Variants in ARHGAP20 observed in about 807,000 individuals in gnomAD.
ARHGAP20 encodes rho GTPase-activating protein 20.
A neutral mutation model predicts 73.7 loss-of-function variants in ARHGAP20; 34 were observed. The observed-to-expected ratio is 0.46, with a 90% CI of 0.35 to 0.61. ARHGAP20 has a LOEUF of 0.61. Ranked by LOEUF, ARHGAP20 falls within the 20% of genes least tolerant of loss-of-function variation. ARHGAP20 has a pLI of 0.00. For synonymous variants in ARHGAP20, 523 were observed against 518.2 expected, an observed-to-expected ratio of 1.01 and a Z score of -0.13; for missense variants, 1,314 against 1,420.9, an observed-to-expected ratio of 0.92 and a Z score of 1.21.
rs535408360 is a variant in ARHGAP20, at chr11:110,580,792, G to C, written c.2154C>G (p.Leu718=). 3.7e-6 allele frequency: 6 copies of C among 1,614,114 alleles called. No individual in the cohort carries two copies. The South Asian group carries it at 6.6e-5, about 18-fold the overall frequency. Residue 718 remains leucine (L), a synonymous_variant, in exon 15 of 15, where the codon CTC becomes CTG. Coordinates refer to ENST00000683387, the MANE Select transcript of ARHGAP20 (RefSeq NM_001384657.1). ...IDYLDSKLSY[L]REFYQKKLRK... ...GTAGCTTTTTCTGATAAAACTCCCT[G>C]AGGTAGGAAAGCTTTGAATCCAGAT...
intron 9 of ARHGAP20, among the ~76,000 whole-genome samples, chr11:110,592,830 A>G (rs977506774): frequency 6.6e-6 from 1 of 152,204 alleles, no homozygotes; most frequent in Non-Finnish European, 1.5e-5. Flanking sequence ...CTTTCTTTGC[A>G]ACTGTAGACT....
chr11:110,624,727 T>C (rs1363276691), intron 3 of ARHGAP20, among the ~76,000 whole-genome samples: 1 of 152,174 alleles, frequency 6.6e-6, no homozygotes, highest in East Asian at 1.9e-4. Context: ...TCATTGTTTT[T>C]ATCTTCAGTG....
intron 1 of ARHGAP20, among the ~76,000 whole-genome samples, chr11:110,706,133 A>G (rs1016901694): frequency 1.3e-5 from 2 of 152,074 alleles, no homozygotes; most frequent in African/African-American, 2.4e-5. Flanking sequence ...CTTTTTTTCA[A>G]TTGAGAAAAG....
At chr11:110,584,964 AATATATGAAT>A (rs1354402422) in intron 12 of ARHGAP20, among the ~76,000 whole-genome samples, 21 of 66,516 alleles carry the variant, frequency 3.2e-4, no homozygotes, top group Non-Finnish European at 6.4e-4. Context: ...AATATATGTG[AATATATGAAT>A]ATATATGTGA....
intron 2 of ARHGAP20, among the ~76,000 whole-genome samples, chr11:110,662,069 C>A (rs1371045079): frequency 6.6e-6 from 1 of 151,730 alleles, no homozygotes; most frequent in Non-Finnish European, 1.5e-5. Flanking sequence ...AAGGAGTAAT[C>A]CTACAGCTAT....
At chr11:110,691,146 TAG>T in intron 1 of ARHGAP20, 1 of 533,588 alleles carries the variant, frequency 1.9e-6, no homozygotes, top group Non-Finnish European at 3.1e-6. Flanking sequence ...TTCTTCCAAA[TAG>T]ACTTTTTTAA....
chr11:110,628,843 C>T (rs1948802204), intron 3 of ARHGAP20, among the ~76,000 whole-genome samples: 1 of 152,084 alleles, frequency 6.6e-6, no homozygotes, highest in Non-Finnish European at 1.5e-5. Flanking sequence ...ACAATGGGTA[C>T]ACATTTTGCC....
chr11:110,636,912 A>G (rs1948980312), intron 2 of ARHGAP20, among the ~76,000 whole-genome samples: 1 of 151,966 alleles, frequency 6.6e-6, no homozygotes, highest in Admixed American at 6.6e-5. Context: ...ATAACCTTCT[A>G]TTTAGCCTTT....
chr11:110,580,706 T>G lies in ARHGAP20; in HGVS notation c.2240A>C (p.Gln747Pro), dbSNP rs143586555. The change falls in exon 15 of 15, where the codon CAA (glutamine) becomes CCA (proline). Residue 747 changes from glutamine to proline, a missense_variant. Gln to Pro is a moderately conservative substitution (Grantham distance 76). Coordinates refer to ENST00000683387, the MANE Select transcript of ARHGAP20 (RefSeq NM_001384657.1). Reference sequence around the variant, plus strand: ...TGTCTTTCCTTCCTCCTGGAGGGGTTGATTCTGCTTCAGATAGTCTTCATC... The same window carrying G: ...TGTCTTTCCTTCCTCCTGGAGGGGTGGATTCTGCTTCAGATAGTCTTCATC... ...QKDEDYLKQN[Q>P]PLQEEGKTCF... 340 of 1,613,850 alleles carry G rather than the reference T, an allele frequency of 2.1e-4. No individual in the cohort carries two copies. Among genetic ancestry groups the G allele is most frequent in the Non-Finnish European group, 2.8e-4 (327 of 1,179,862 alleles).
intron 2 of ARHGAP20, among the ~76,000 whole-genome samples, chr11:110,654,475 T>C (rs946014267): frequency 6.6e-6 from 1 of 152,220 alleles, no homozygotes; most frequent in Admixed American, 6.5e-5. Flanking sequence ...CTTTAAAATT[T>C]TAGTAATAAT....
chr11:110,665,976 T>C (rs898762313), intron 2 of ARHGAP20, among the ~76,000 whole-genome samples: 16 of 150,338 alleles, frequency 1.1e-4, no homozygotes, highest in Middle Eastern at 3.4e-3. Context: ...AAGATACATA[T>C]ACACACACAC....
At chr11:110,599,989 T>G (rs896670109) in intron 9 of ARHGAP20, among the ~76,000 whole-genome samples, 1 of 152,158 alleles carries the variant, frequency 6.6e-6, no homozygotes, top group Non-Finnish European at 1.5e-5. Flanking sequence ...GCTGAACACT[T>G]GATGGGGCAC....
chr11:110,609,103 G>T, intron 7 of ARHGAP20, 53 bp from the exon 8 acceptor site: 1 of 1,529,216 alleles, frequency 6.5e-7, no homozygotes. Flanking sequence ...TTTGATACTT[G>T]AATGAGGACA....
intron 3 of ARHGAP20, among the ~76,000 whole-genome samples, chr11:110,629,244 G>A (rs1362393528): frequency 6.6e-6 from 1 of 152,110 alleles, no homozygotes; most frequent in African/African-American, 2.4e-5. Context: ...TGGAAGTAAG[G>A]CCTAGATTCA....
chr11:110,705,747 CTG>C (rs1253530337), intron 1 of ARHGAP20, among the ~76,000 whole-genome samples: 4 of 152,126 alleles, frequency 2.6e-5, no homozygotes, highest in Non-Finnish European at 5.9e-5. Context: ...AGAGTTTCAA[CTG>C]GGTTTCCACA....
At chr11:110,598,318 T>A (rs1417336031) in intron 9 of ARHGAP20, among the ~76,000 whole-genome samples, 1 of 152,182 alleles carries the variant, frequency 6.6e-6, no homozygotes, top group Non-Finnish European at 1.5e-5. Flanking sequence ...AAAGTGAACC[T>A]ACTTTGGGCA....
chr11:110,699,703 G>A (rs1162904246), intron 1 of ARHGAP20, among the ~76,000 whole-genome samples: 3 of 151,766 alleles, frequency 2.0e-5, no homozygotes, highest in African/African-American at 7.3e-5. Flanking sequence ...CTGATATGAG[G>A]ATGGCTACTC....
At chr11:110,647,599 T>A (rs898343536) in intron 2 of ARHGAP20, among the ~76,000 whole-genome samples, 3 of 152,254 alleles carry the variant, frequency 2.0e-5, no homozygotes, top group African/African-American at 7.2e-5. Context: ...TAACTTTTTT[T>A]ATGCAAAGGC....
chr11:110,589,045 C>G (rs1331148542), intron 11 of ARHGAP20, among the ~76,000 whole-genome samples: 2 of 151,904 alleles, frequency 1.3e-5, no homozygotes, highest in Admixed American at 1.3e-4. Flanking sequence ...GCACTCCAGC[C>G]TGGGCAACAG....
Sources: allele counts gnomAD v4.1 joint callset (sites outside exome capture counted in the v4.1 genomes callset), GRCh38; gene constraint gnomAD v4.1.1; transcripts MANE v1.5; gene names NCBI Gene and HGNC (gene_info 2026-07-23, HGNC 2026-07-21).